Variants in SHROOM4 observed in about 807,000 individuals in gnomAD.
SHROOM4 encodes the protein protein Shroom4.
A neutral mutation model predicts 80.3 loss-of-function variants in SHROOM4; 17 were observed. That is an observed-to-expected ratio of 0.21 (90% CI 0.14 to 0.32). The LOEUF is 0.32. Among genes scored for constraint, SHROOM4 ranks in the 10% least tolerant of loss-of-function variants. SHROOM4 has a pLI of 1.00. For synonymous variants in SHROOM4, 400 were observed against 437.5 expected, an observed-to-expected ratio of 0.91 and a Z score of 1.07; for missense variants, 993 against 1,140.3, an observed-to-expected ratio of 0.87 and a Z score of 1.86.
chrX:50,611,826 A>G (rs1321038195), intron 5 of SHROOM4, among the ~76,000 whole-genome samples: 8 of 111,104 alleles, frequency 7.2e-5, no homozygotes, highest in African/African-American at 2.6e-4. Flanking sequence ...AGGCTGAGGC[A>G]GGGGAATTGC....
At chrX:50,654,223 C>T (rs1557259248) in intron 2 of SHROOM4, among the ~76,000 whole-genome samples, 1 of 111,567 alleles carries the variant, frequency 9.0e-6, no homozygotes, top group Non-Finnish European at 1.9e-5. Flanking sequence ...CTGCCCTTGT[C>T]AGGGGGAGAT....
At chrX:50,795,114 G>GATATATATATGATATATATATCATATATT (rs1935959866) in intron 1 of SHROOM4, among the ~76,000 whole-genome samples, 3 of 50,511 alleles carry the variant, frequency 5.9e-5, no homozygotes, top group African/African-American at 4.7e-4. Flanking sequence ...ATATATATAT[G>GATATATATATGATATATATATCATATATT]ATATATATAT....
At chrX:50,652,410 T>C (rs1338685445) in intron 2 of SHROOM4, among the ~76,000 whole-genome samples, 1 of 111,984 alleles carries the variant, frequency 8.9e-6, no homozygotes, top group African/African-American at 3.2e-5. Flanking sequence ...CCTTCACCTA[T>C]TTTTTGATGG....
chrX:50,786,156 C>G lies in SHROOM4; in HGVS notation c.117+27746G>C, dbSNP rs185869045. Among the ~76,000 whole-genome samples, 331 of 111,814 alleles carry G rather than the reference C, an allele frequency of 3.0e-3. 3 individuals carry two copies. The highest frequency in any genetic ancestry group is 1.3e-3 in the Non-Finnish European group (67 of 53,107). The stretch of plus-strand genomic sequence containing the variant: ...AGAGCCATACAATTGGGAAGACCCC[C>G]TCACCAGATTCCAAATTCTCCCTAG... On this transcript the variant is annotated intron_variant, in intron 1 of 8. Coordinates refer to ENST00000376020, the MANE Select transcript of SHROOM4 (RefSeq NM_020717.5).
intron 1 of SHROOM4, among the ~76,000 whole-genome samples, chrX:50,739,321 A>G (rs1258791398): frequency 8.9e-6 from 1 of 111,842 alleles, no homozygotes; most frequent in Non-Finnish European, 1.9e-5. Flanking sequence ...AAAAGCTAAA[A>G]TTGACAAATG....
intron 1 of SHROOM4, among the ~76,000 whole-genome samples, chrX:50,772,221 G>C (rs187927671): frequency 1.8e-5 from 2 of 111,460 alleles, no homozygotes; most frequent in Non-Finnish European, 3.8e-5. Flanking sequence ...ATAAAGCTAC[G>C]GTCATTTTGG....
At chrX:50,751,173 C>T (rs1459761556) in intron 1 of SHROOM4, among the ~76,000 whole-genome samples, 1 of 112,200 alleles carries the variant, frequency 8.9e-6, no homozygotes, top group South Asian at 3.8e-4. Context: ...CCACTCTAAT[C>T]GAACTCATGG....
At chrX:50,690,079 T>A (rs1933183747) in intron 2 of SHROOM4, among the ~76,000 whole-genome samples, 1 of 112,158 alleles carries the variant, frequency 8.9e-6, no homozygotes. Context: ...AGCCCTAAAG[T>A]ATTTTTAGAT....
At chrX:50,766,179 G>C (rs1303822724) in intron 1 of SHROOM4, among the ~76,000 whole-genome samples, 1 of 111,437 alleles carries the variant, frequency 9.0e-6, no homozygotes, top group Non-Finnish European at 1.9e-5. Flanking sequence ...GGTCTCAAAT[G>C]GGTCAAGTCT....
chrX:50,688,164 A>C (rs1466595499), intron 2 of SHROOM4, among the ~76,000 whole-genome samples: 1 of 111,708 alleles, frequency 9.0e-6, no homozygotes, highest in Non-Finnish European at 1.9e-5. Context: ...ATTTATGGAC[A>C]CTTACATTTG....
intron 2 of SHROOM4, among the ~76,000 whole-genome samples, chrX:50,661,789 C>T (rs1433878253): frequency 2.7e-5 from 3 of 111,826 alleles, no homozygotes; most frequent in South Asian, 7.5e-4. Flanking sequence ...GATTGTAATG[C>T]GTCTGGAGGA....
chrX:50,748,986 G>A (rs1569548478), intron 1 of SHROOM4, among the ~76,000 whole-genome samples: 2 of 112,403 alleles, frequency 1.8e-5, no homozygotes, highest in Non-Finnish European at 1.9e-5. Context: ...CAAGGCTGGT[G>A]GATTGCTTGA....
intron 1 of SHROOM4, among the ~76,000 whole-genome samples, chrX:50,813,182 G>GGCGGCAGCGGCA (rs1557273649): frequency 9.1e-6 from 1 of 109,834 alleles, no homozygotes; most frequent in African/African-American, 3.3e-5. Context: ...CGGCGGCGGC[G>GGCGGCAGCGGCA]GCGGCAGCGG....
chrX:50,712,478 A>T (rs782016883), intron 1 of SHROOM4, among the ~76,000 whole-genome samples: 2 of 112,165 alleles, frequency 1.8e-5, no homozygotes, highest in East Asian at 5.6e-4. Flanking sequence ...GCTTGAAAGG[A>T]TAGCTACCCC....
intron 1 of SHROOM4, among the ~76,000 whole-genome samples, chrX:50,748,174 T>G (rs1193457552): frequency 9.0e-6 from 1 of 111,168 alleles, no homozygotes; most frequent in Non-Finnish European, 1.9e-5. Flanking sequence ...AAAGATAACA[T>G]GTAAAAATTA....
intron 1 of SHROOM4, among the ~76,000 whole-genome samples, chrX:50,790,673 T>C (rs782449638): frequency 1.8e-5 from 2 of 111,956 alleles, no homozygotes; most frequent in African/African-American, 6.5e-5. Flanking sequence ...ATACAACATA[T>C]TAGCAGAATA....
intron 2 of SHROOM4, among the ~76,000 whole-genome samples, chrX:50,660,473 A>G (rs1344048930): frequency 3.7e-5 from 4 of 108,529 alleles, no homozygotes; most frequent in African/African-American, 1.4e-4. Flanking sequence ...TATTGCTTAA[A>G]TTAATCTATA....
chrX:50,631,893 A>G (rs1041440857), intron 4 of SHROOM4, among the ~76,000 whole-genome samples: 7 of 112,054 alleles, frequency 6.2e-5, no homozygotes, highest in Admixed American at 1.9e-4. Flanking sequence ...TGCTGAAAAC[A>G]TAAGTTGAAT....
intron 2 of SHROOM4, among the ~76,000 whole-genome samples, chrX:50,668,163 T>C (rs1170046628): frequency 8.9e-6 from 1 of 112,081 alleles, no homozygotes; most frequent in Non-Finnish European, 1.9e-5. Flanking sequence ...CTCCTACTCA[T>C]GATGTTAATG....
Sources: allele counts gnomAD v4.1 joint callset (sites outside exome capture counted in the v4.1 genomes callset), GRCh38; gene constraint gnomAD v4.1.1; transcripts MANE v1.5; gene names NCBI Gene and HGNC (gene_info 2026-07-23, HGNC 2026-07-21).